The following FER1L5 variants were observed in gnomAD, a reference collection of about 807,000 sequenced individuals.
FER1L5 encodes the protein fer-1-like protein 5.
FER1L5 carries 187 observed loss-of-function variants against 279.9 expected under a neutral mutation model. That is an observed-to-expected ratio of 0.67 (90% CI 0.59 to 0.75). The LOEUF (loss-of-function observed/expected upper bound fraction) is 0.75. Among genes scored for constraint, FER1L5 ranks in the 30% least tolerant of loss-of-function variants. The pLI is 0.00. For synonymous variants in FER1L5, 921 were observed against 989.7 expected (o/e 0.93, Z 1.30); for missense variants, 2,091 against 2,594.4 (o/e 0.81, Z 4.21).
chr2:96,650,320 G>T, intron 6 of FER1L5, 31 bp downstream of exon 6: 1 of 1,513,356 alleles, frequency 6.6e-7, no homozygotes, highest in Non-Finnish European at 9.0e-7. Flanking sequence ...AAGTTCATGG[G>T]ACTCACCTGA....
intron 50 of FER1L5, 26 bp from the exon 51 acceptor site, chr2:96,703,497 C>G: frequency 6.2e-7 from 1 of 1,613,236 alleles, no homozygotes; most frequent in Non-Finnish European, 8.5e-7. Flanking sequence ...TGCACTCAGC[C>G]TCCCCCTCAC....
chr2:96,686,472 G>T, intron 23 of FER1L5, 122 bp downstream of exon 23: 2 of 1,142,526 alleles, frequency 1.8e-6, no homozygotes, highest in Non-Finnish European at 2.4e-6. Flanking sequence ...ACATGGAATG[G>T]GGTTGAAACA....
At chr2:96,693,032 C>T (rs1037779361) in intron 31 of FER1L5, among the ~76,000 whole-genome samples, 50 of 151,912 alleles carry the variant, frequency 3.3e-4, no homozygotes, top group African/African-American at 1.1e-3. Context: ...AAAAATTAGC[C>T]GGGCGTGGTG....
In FER1L5 at chr2:96,661,716, T is replaced by G. The variant is rs1327857635; in HGVS notation, c.943T>G (p.Phe315Val). 5 of 1,551,606 alleles carry G rather than the reference T, an allele frequency of 3.2e-6. No individual in the cohort carries two copies. Among genetic ancestry groups the G allele is most frequent in the Non-Finnish European group, 4.4e-6 (5 of 1,147,000 alleles). The change falls in exon 12 of 53, where the codon TTC becomes GTC. Residue 315 changes from phenylalanine to valine, a missense_variant. Phe to Val is a conservative substitution (Grantham distance 50). Coordinates refer to ENST00000624922, the MANE Select transcript of FER1L5 (RefSeq NM_001293083.2). The part of the protein sequence containing the change: ...YGTDDTDIQI[F>V]KSAVVPINMA... ...CACCGATGACACCGATATTCAGATC[T>G]TCAAGTCAGCGGTAGTCCCGATCAA...
In FER1L5 at chr2:96,698,791, G is replaced by A; in HGVS notation, c.4477G>A (p.Val1493Ile). Residue 1493 changes from valine to isoleucine, a missense_variant, in exon 41 of 53, where the codon GTA (valine) becomes ATA (isoleucine). By Grantham distance (29) the Val-to-Ile change is conservative. Coordinates refer to ENST00000624922, the MANE Select transcript of FER1L5 (RefSeq NM_001293083.2). The surrounding 1 kb of genome is among the most constrained non-coding windows in gnomAD (Gnocchi z 5.5). The stretch of plus-strand genomic sequence containing the variant: ...GCCGTGCTTGGTGCGGGTGTACATG[G>A]TACGAGCCATCAACCTGCAGCCCCA... The part of the protein sequence containing the change: ...PQPCLVRVYM[V>I]RAINLQPQDY... 2 of 1,566,048 alleles carry A rather than the reference G, an allele frequency of 1.3e-6. No homozygotes were observed. Among genetic ancestry groups the A allele is most frequent in the Non-Finnish European group, 1.7e-6 (2 of 1,155,700 alleles).
At position 96,650,216 on chromosome 2, in the gene FER1L5, C is replaced by T. The variant is rs1573774807; in HGVS notation, c.431C>T (p.Ala144Val). ...EDHLGITARE[A>V]ASQKLMVPGS... Reference sequence around the variant, plus strand: ...CACCTGGGCATAACGGCAAGAGAGGCAGCCAGTCAGAAACTGATGGTCCCT... The same window carrying T: ...CACCTGGGCATAACGGCAAGAGAGGTAGCCAGTCAGAAACTGATGGTCCCT... The change falls in exon 6 of 53, where the codon GCA becomes GTA. Residue 144 changes from alanine to valine, a missense_variant. Physicochemically the swap from Ala to Val is moderately conservative, Grantham distance 64. Coordinates refer to ENST00000624922, the MANE Select transcript of FER1L5 (RefSeq NM_001293083.2). 1 of 1,551,736 alleles carries T rather than the reference C, an allele frequency of 6.4e-7. No homozygotes were observed. Among genetic ancestry groups the T allele is most frequent in the East Asian group, 2.4e-5 (1 of 40,930 alleles).
intron 23 of FER1L5, among the ~76,000 whole-genome samples, chr2:96,687,390 G>C (rs779261884): frequency 2.0e-5 from 3 of 152,224 alleles, no homozygotes; most frequent in Non-Finnish European, 4.4e-5. Context: ...GTGGCCCTAG[G>C]CCAACTCCTG....
chr2:96,669,218 G>T, intron 17 of FER1L5, 81 bp downstream of exon 17: 3 of 1,352,370 alleles, frequency 2.2e-6, no homozygotes, highest in Non-Finnish European at 1.0e-6. Flanking sequence ...GACGTGCCCC[G>T]AGGCCCCGGC....
In FER1L5 at chr2:96,659,346, C is replaced by CT. The variant is rs1558853285; in HGVS notation, c.748-993dup. Among the ~76,000 whole-genome samples the CT allele has an allele frequency of 1.0e-3, 82 of 78,372 alleles. 9 individuals are homozygous for CT. Among genetic ancestry groups the CT allele is most frequent in the Middle Eastern group, 6.8e-3 (1 of 148 alleles). 51.4% of individuals were successfully genotyped at this position (78,372 alleles called of 152,430 possible). On this transcript the variant is annotated intron_variant, in intron 9 of 52. Coordinates refer to ENST00000624922, the MANE Select transcript of FER1L5 (RefSeq NM_001293083.2). ...CCTTCCTTCCTTCCTTCCTTCCTTC[C>CT]TTCCTTCCTTCCTTCCTTCTTTCTT...
intron 17 of FER1L5, among the ~76,000 whole-genome samples, chr2:96,669,823 T>C (rs777354626): frequency 1.1e-4 from 16 of 152,188 alleles, no homozygotes; most frequent in Non-Finnish European, 1.8e-4. Context: ...CAGGCTCTGA[T>C]TGGCCAGGCG....
chr2:96,667,741 A>G (rs774536255), intron 14 of FER1L5, among the ~76,000 whole-genome samples: 6 of 152,178 alleles, frequency 3.9e-5, no homozygotes, highest in Non-Finnish European at 5.9e-5. Flanking sequence ...CCTCTCCATG[A>G]GATGGTTTGG....
rs2076985865 is a variant in FER1L5 at position 96,687,773 on chromosome 2, G to A, written c.2230-43G>A. The A allele has an allele frequency of 1.9e-6, 3 of 1,547,452 alleles. No homozygotes were observed. The East Asian group carries it at 7.4e-5, about 38-fold the overall frequency. Reference sequence around the variant, plus strand: ...TGGGGGGTGGCCGGGGTGGCGTTCAGGGTGTTTAGTGCCCCTGTGGGACCG... The same window carrying A: ...TGGGGGGTGGCCGGGGTGGCGTTCAAGGTGTTTAGTGCCCCTGTGGGACCG... On this transcript the variant is annotated intron_variant, in intron 23 of 52. Coordinates refer to ENST00000624922, the MANE Select transcript of FER1L5 (RefSeq NM_001293083.2).
intron 14 of FER1L5, among the ~76,000 whole-genome samples, chr2:96,667,837 G>T (rs1029202251): frequency 6.6e-6 from 1 of 152,066 alleles, no homozygotes. Flanking sequence ...GTGTCAGAGG[G>T]GCCTGAAGCT....
chr2:96,683,419 C>T (rs1009437154), intron 19 of FER1L5, among the ~76,000 whole-genome samples: 1 of 152,158 alleles, frequency 6.6e-6, no homozygotes, highest in South Asian at 2.1e-4. Context: ...CTCTCTGTCT[C>T]CCTTCTTATA....
At position 96,662,213 on chromosome 2, in the gene FER1L5, A is replaced by T; in HGVS notation, c.1019-2A>T. 6.4e-7 allele frequency: 1 copy of T among 1,551,546 alleles called. No homozygotes were observed. Among genetic ancestry groups the T allele is most frequent in the East Asian group, 2.4e-5 (1 of 40,900 alleles). On this transcript the variant is annotated splice_acceptor_variant, in intron 12 of 52. Transcript: ENST00000624922. LOFTEE classifies it high-confidence loss of function. Reference sequence around the variant, plus strand: ...AGATATCTTTTAACTTGTTGTTCATAGAGAAACACCAGTCAGTGAATCCTC... The same window carrying T: ...AGATATCTTTTAACTTGTTGTTCATTGAGAAACACCAGTCAGTGAATCCTC...
chr2:96,703,118 G>T, intron 49 of FER1L5, 35 bp from the exon 50 acceptor site: 1 of 1,613,072 alleles, frequency 6.2e-7, no homozygotes, highest in Non-Finnish European at 8.5e-7. Flanking sequence ...AGGACAGGGA[G>T]CTCCTTCTTG....
chr2:96,687,001 T>G (rs1298955528), intron 23 of FER1L5, among the ~76,000 whole-genome samples: 1 of 152,074 alleles, frequency 6.6e-6, no homozygotes, highest in Non-Finnish European at 1.5e-5. Context: ...TAAGGTTTGG[T>G]ACCAGCCCAT....
intron 18 of FER1L5, among the ~76,000 whole-genome samples, chr2:96,670,903 G>C (rs1461658754): frequency 6.6e-6 from 1 of 151,576 alleles, no homozygotes; most frequent in African/African-American, 2.4e-5. Flanking sequence ...TCAGGAGTTT[G>C]AGACCAGCCT....
rs1027639726 is a variant in FER1L5 at position 96,695,423 on chromosome 2, T to C, written c.3742-86T>C. 52 of 1,472,162 alleles carry C rather than the reference T, an allele frequency of 3.5e-5. 1 individual carries two copies. In the East Asian group the frequency reaches 1.3e-3, roughly 36 times the overall value. 91.2% of individuals were successfully genotyped at this position (1,472,162 alleles called of 1,614,324 possible). On this transcript the variant is annotated intron_variant, in intron 34 of 52. Transcript: ENST00000624922. ...CTGCAGGCTCCTGCTGCACCGCTAT[T>C]GCCCCTCAGCCCCCTTCTCTGGCCA...
Sources: allele counts gnomAD v4.1 joint callset (sites outside exome capture counted in the v4.1 genomes callset), GRCh38; gene constraint gnomAD v4.1.1; non-coding constraint Gnocchi (gnomAD v3.1); transcripts MANE v1.5; gene names NCBI Gene and HGNC (gene_info 2026-07-23, HGNC 2026-07-21).